The following MLLT3 variants were observed in gnomAD, a reference collection of about 807,000 sequenced individuals.
MLLT3 encodes protein AF-9.
Under a neutral mutation model 53.2 loss-of-function variants are expected in MLLT3, and 4 were observed. That is an observed-to-expected ratio of 0.08 (90% CI 0.04 to 0.17). MLLT3 has a LOEUF of 0.17. Among genes scored for constraint, MLLT3 ranks in the 10% least tolerant of loss-of-function variants. The pLI is 1.00. For synonymous variants in MLLT3, 283 were observed against 230.6 expected (o/e 1.23, Z -2.06); for missense variants, 569 against 684.0 (o/e 0.83, Z 1.87).
chr9:20,362,823 G>C (rs993781955), intron 7 of MLLT3: 2 of 147,770 alleles, frequency 1.4e-5, no homozygotes, highest in African/African-American at 5.1e-5. Context: ...AAGTAGATTC[G>C]TATTTTTTCC....
At chr9:20,575,450 T>G (rs1819629601) in intron 2 of MLLT3, among the ~76,000 whole-genome samples, 1 of 152,162 alleles carries the variant, frequency 6.6e-6, no homozygotes, top group African/African-American at 2.4e-5. Context: ...TTTTTAAGGT[T>G]TGTGCAAAAT....
chr9:20,497,669 T>C (rs928205035), intron 2 of MLLT3, among the ~76,000 whole-genome samples: 2 of 152,202 alleles, frequency 1.3e-5, no homozygotes, highest in Non-Finnish European at 1.5e-5. Flanking sequence ...TGTTTTATGA[T>C]GTGGAATTTC....
At chr9:20,407,047 C>T (rs749431509) in intron 5 of MLLT3, among the ~76,000 whole-genome samples, 1 of 152,148 alleles carries the variant, frequency 6.6e-6, no homozygotes, top group South Asian at 2.1e-4. Flanking sequence ...AGAAAACAAC[C>T]CTCTGTCTAC....
intron 5 of MLLT3, among the ~76,000 whole-genome samples, chr9:20,375,648 C>T (rs576544939): frequency 5.5e-5 from 8 of 144,394 alleles, no homozygotes; most frequent in African/African-American, 1.6e-4. Flanking sequence ...TGCTCTGTCA[C>T]CCAGGCTGGA....
intron 2 of MLLT3, among the ~76,000 whole-genome samples, chr9:20,556,552 G>A (rs1042747254): frequency 3.9e-5 from 6 of 151,954 alleles, no homozygotes; most frequent in Non-Finnish European, 8.8e-5. Flanking sequence ...CCGTGGTGGC[G>A]GGCACCTGTA....
chr9:20,470,079 C>G (rs900205365), intron 2 of MLLT3, among the ~76,000 whole-genome samples: 11 of 151,724 alleles, frequency 7.3e-5, no homozygotes, highest in African/African-American at 2.7e-4. Flanking sequence ...AATTTGTTTC[C>G]CAAGTATTAT....
chr9:20,439,448 A>G (rs1246887591), intron 4 of MLLT3, among the ~76,000 whole-genome samples: 1 of 152,028 alleles, frequency 6.6e-6, no homozygotes, highest in Admixed American at 6.6e-5. Flanking sequence ...AAAAAAAAAA[A>G]AAGCTAGTAC....
Position 20,346,136 on chromosome 9 carries a change from T to G in MLLT3, c.*307A>C. ...CATGATACCATACACATTCTTTGAGTTTTCTTGTGTTGTGTTTGATTTGTT... is the reference window on the plus strand; with the variant it reads ...CATGATACCATACACATTCTTTGAGGTTTCTTGTGTTGTGTTTGATTTGTT... On this transcript the variant is annotated 3_prime_UTR_variant, in exon 11 of 11. Coordinates refer to ENST00000380338, the MANE Select transcript of MLLT3 (RefSeq NM_004529.4). 3.2e-6 allele frequency: 1 copy of G among 317,346 alleles called. No homozygotes were observed. Among genetic ancestry groups the G allele is most frequent in the Non-Finnish European group, 5.9e-6 (1 of 170,660 alleles). The allele number at this position is 317,346 out of a possible 1,614,324, so 19.7% of individuals were successfully genotyped here.
chr9:20,581,708 G>A (rs1052956133), intron 2 of MLLT3, among the ~76,000 whole-genome samples: 2 of 152,072 alleles, frequency 1.3e-5, no homozygotes, highest in Non-Finnish European at 2.9e-5. Flanking sequence ...ATAAGATGCA[G>A]GAACACTATG....
intron 2 of MLLT3, among the ~76,000 whole-genome samples, chr9:20,575,653 G>C (rs1315818920): frequency 6.6e-6 from 1 of 152,158 alleles, no homozygotes; most frequent in Non-Finnish European, 1.5e-5. Context: ...TCAATGAGCA[G>C]TAATATTTTG....
chr9:20,599,320 A>AAG (rs1554643687), intron 2 of MLLT3, among the ~76,000 whole-genome samples: 91 of 150,912 alleles, frequency 6.0e-4, no homozygotes, highest in African/African-American at 2.2e-3. Context: ...AAAAAAAAAA[A>AAG]GAGAATTTTC....
rs923798090 is a variant in MLLT3, at chr9:20,553,778, T to C, written c.193+66876A>G. On this transcript the variant is annotated intron_variant, in intron 2 of 10. Coordinates refer to ENST00000380338, the MANE Select transcript of MLLT3 (RefSeq NM_004529.4). ...GAGCTTGAATATGTAACTAAGTTTT[T>C]ATAACTACATTAGAAACTTTCCTTG... Among the ~76,000 whole-genome samples, 3 of 152,130 alleles carry C rather than the reference T, an allele frequency of 2.0e-5. No individual in the cohort carries two copies. In the East Asian group the frequency reaches 5.8e-4, roughly 29 times the overall value.
intron 4 of MLLT3, among the ~76,000 whole-genome samples, chr9:20,442,733 C>A (rs1446001638): frequency 6.6e-6 from 1 of 152,084 alleles, no homozygotes; most frequent in Non-Finnish European, 1.5e-5. Context: ...CACTGTGGAC[C>A]TGAATTTCAC....
chr9:20,355,819 A>G (rs1021731340), intron 8 of MLLT3, among the ~76,000 whole-genome samples: 2 of 152,202 alleles, frequency 1.3e-5, no homozygotes, highest in African/African-American at 4.8e-5. Flanking sequence ...TAAAGGACCT[A>G]ATTTATCTTA....
At chr9:20,581,722 T>C (rs918284400) in intron 2 of MLLT3, among the ~76,000 whole-genome samples, 2 of 152,160 alleles carry the variant, frequency 1.3e-5, no homozygotes, top group African/African-American at 4.8e-5. Context: ...CACTATGCAA[T>C]TCTATCAGGT....
chr9:20,618,628 A>T (rs567456522), intron 2 of MLLT3, among the ~76,000 whole-genome samples: 1 of 152,344 alleles, frequency 6.6e-6, no homozygotes, highest in African/African-American at 2.4e-5. Flanking sequence ...CCAACCAACA[A>T]GCAGACATCT....
intron 2 of MLLT3, among the ~76,000 whole-genome samples, chr9:20,457,087 G>T (rs1176579198): frequency 6.6e-6 from 1 of 151,964 alleles, no homozygotes; most frequent in African/African-American, 2.4e-5. Context: ...CTGCCCAAAA[G>T]CTTTAGGGAA....
intron 2 of MLLT3, among the ~76,000 whole-genome samples, chr9:20,506,783 T>C (rs1825392879): frequency 1.3e-5 from 2 of 152,222 alleles, no homozygotes; most frequent in African/African-American, 4.8e-5. Context: ...CACTAATTTA[T>C]TCTACATTCA....
intron 2 of MLLT3, among the ~76,000 whole-genome samples, chr9:20,575,746 G>A (rs543643211): frequency 3.9e-5 from 6 of 152,294 alleles, no homozygotes; most frequent in African/African-American, 1.4e-4. Context: ...GTAAGTAGAT[G>A]TGCTGTCATC....
Sources: gnomAD v4.1 joint callset for allele counts (sites outside exome capture counted in the v4.1 genomes callset) on GRCh38, gnomAD v4.1.1 for gene constraint, MANE v1.5 for transcripts, NCBI Gene and HGNC (gene_info 2026-07-23, HGNC 2026-07-21) for gene names.